TATDN1: variants seen among roughly 807,000 people sequenced by gnomAD.
TATDN1 encodes the protein TatD DNase domain containing 1.
TATDN1 carries 40 observed loss-of-function variants against 46.4 expected under a neutral mutation model. That is an observed-to-expected ratio of 0.86 (90% CI 0.67 to 1.12). TATDN1 has a LOEUF of 1.12. TATDN1 is among the 50% of genes most tolerant of loss of function. The pLI, the probability that TATDN1 is intolerant of heterozygous loss-of-function variation, is 0.00. For synonymous variants in TATDN1, 95 were observed against 105.6 expected (o/e 0.90, Z 0.62); for missense variants, 326 against 348.4 (o/e 0.94, Z 0.51).
At chr8:124,515,360 G>A (rs1176664566) in intron 6 of TATDN1, among the ~76,000 whole-genome samples, 1 of 152,092 alleles carries the variant, frequency 6.6e-6, no homozygotes, top group Non-Finnish European at 1.5e-5. Flanking sequence ...CAGCCTGGGC[G>A]ACAGAGAGAC....
intron 3 of TATDN1, among the ~76,000 whole-genome samples, 196 bp from the exon 4 acceptor site, chr8:124,519,077 A>T (rs1209561822): frequency 6.6e-6 from 1 of 152,094 alleles, no homozygotes; most frequent in Non-Finnish European, 1.5e-5. Context: ...GGATGTATGT[A>T]TGTGTGTGTG....
intron 4 of TATDN1, among the ~76,000 whole-genome samples, chr8:124,518,148 C>A (rs1483744383): frequency 7.8e-6 from 1 of 127,904 alleles, no homozygotes; most frequent in African/African-American, 2.9e-5. Flanking sequence ...GGAGGTGGCG[C>A]GCGCAGTGAG....
chr8:124,508,956 G>A (rs1332403813), intron 6 of TATDN1, among the ~76,000 whole-genome samples: 2 of 152,106 alleles, frequency 1.3e-5, no homozygotes, highest in African/African-American at 2.4e-5. Context: ...CTTGCCACTG[G>A]GAGCACCATC....
At chr8:124,497,426 C>T (rs1817569369) in intron 9 of TATDN1, among the ~76,000 whole-genome samples, 1 of 152,024 alleles carries the variant, frequency 6.6e-6, no homozygotes, top group African/African-American at 2.4e-5. Flanking sequence ...GCTGGGACTA[C>T]AGGTGCCTGC....
intron 1 of TATDN1, among the ~76,000 whole-genome samples, chr8:124,535,721 C>T (rs572794738): frequency 6.6e-6 from 1 of 152,254 alleles, no homozygotes; most frequent in Admixed American, 6.5e-5. Flanking sequence ...TAAAGGAATA[C>T]CTGAGACTGG....
intron 9 of TATDN1, among the ~76,000 whole-genome samples, chr8:124,500,689 A>T (rs1317918419): frequency 2.0e-5 from 3 of 152,058 alleles, no homozygotes; most frequent in African/African-American, 7.2e-5. Flanking sequence ...CTCAAAAAAA[A>T]AAAACAACAA....
At chr8:124,514,944 T>C (rs945761700) in intron 6 of TATDN1, among the ~76,000 whole-genome samples, 5 of 152,186 alleles carry the variant, frequency 3.3e-5, no homozygotes, top group African/African-American at 4.8e-5. Flanking sequence ...TATAATACTT[T>C]TGTGGGTTTT....
At chr8:124,492,028 G>A (rs1302780429) in intron 11 of TATDN1, among the ~76,000 whole-genome samples, 2 of 148,880 alleles carry the variant, frequency 1.3e-5, no homozygotes, top group African/African-American at 2.5e-5. Flanking sequence ...AGGCTAGAGT[G>A]CAATGGTGTG....
chr8:124,498,685 C>T (rs1201963642), intron 9 of TATDN1, among the ~76,000 whole-genome samples: 1 of 152,130 alleles, frequency 6.6e-6, no homozygotes, highest in African/African-American at 2.4e-5. Context: ...GAGTCTCTCA[C>T]TATCACCTGG....
chr8:124,533,661 T>C (rs756723675), intron 1 of TATDN1, among the ~76,000 whole-genome samples: 2 of 152,068 alleles, frequency 1.3e-5, no homozygotes, highest in African/African-American at 2.4e-5. Context: ...AAGTCTGGTA[T>C]TGGTTAGTAA....
intron 4 of TATDN1, among the ~76,000 whole-genome samples, chr8:124,516,362 G>A (rs1436577882): frequency 6.6e-6 from 1 of 151,850 alleles, no homozygotes; most frequent in African/African-American, 2.4e-5. Context: ...GAGTGCAGTG[G>A]TGCTATCACA....
At chr8:124,533,965 T>A (rs1024152058) in intron 1 of TATDN1, among the ~76,000 whole-genome samples, 3 of 151,158 alleles carry the variant, frequency 2.0e-5, no homozygotes, top group Admixed American at 1.3e-4. Context: ...GCTAACACAG[T>A]GAAACCCCGT....
intron 9 of TATDN1, among the ~76,000 whole-genome samples, chr8:124,499,189 G>A (rs1817735838): frequency 6.6e-6 from 1 of 151,792 alleles, no homozygotes; most frequent in Non-Finnish European, 1.5e-5. Flanking sequence ...GGAGGGGTGG[G>A]TGAGATGTCA....
chr8:124,515,125 A>G (rs1041420244), intron 6 of TATDN1, among the ~76,000 whole-genome samples: 2 of 152,268 alleles, frequency 1.3e-5, no homozygotes, highest in African/African-American at 4.8e-5. Flanking sequence ...CTCTTAAATT[A>G]TATCTCCCAA....
chr8:124,534,414 G>A (rs187731803), intron 1 of TATDN1, among the ~76,000 whole-genome samples: 99 of 152,250 alleles, frequency 6.5e-4, no homozygotes, highest in Admixed American at 1.2e-3. Flanking sequence ...ATGACAAGGT[G>A]TGAGATAGGA....
In TATDN1 at chr8:124,499,429, C is replaced by T. The variant is rs73340057; in HGVS notation, c.594-3887G>A. Among the ~76,000 whole-genome samples the T allele has an allele frequency of 7.6e-3, 1,161 of 152,132 alleles. 16 individuals carry two copies. The highest frequency in any genetic ancestry group is 0.027 in the African/African-American group (1,114 of 41,498). The stretch of plus-strand genomic sequence containing the variant: ...TCTATTCTATGACTGTAAAATTTGC[C>T]CAAATATATATACTAATAAACATTT... On this transcript the variant is annotated intron_variant, in intron 9 of 11. Transcript: ENST00000276692.
At chr8:124,510,432 GA>G (rs1423011278) in intron 6 of TATDN1, among the ~76,000 whole-genome samples, 1 of 152,136 alleles carries the variant, frequency 6.6e-6, no homozygotes, top group African/African-American at 2.4e-5. Flanking sequence ...CAATTCCATG[GA>G]CCAAACCACA....
intron 6 of TATDN1, 90 bp from the exon 7 acceptor site, chr8:124,508,778 G>T (rs563406156): frequency 1.4e-5 from 11 of 801,508 alleles, no homozygotes; most frequent in Non-Finnish European, 2.1e-5. Flanking sequence ...TAAATTAAAG[G>T]TATTTAATTC....
chr8:124,509,721 A>G (rs916038716), intron 6 of TATDN1, among the ~76,000 whole-genome samples: 1 of 152,180 alleles, frequency 6.6e-6, no homozygotes, highest in Non-Finnish European at 1.5e-5. Flanking sequence ...TTTTAAAATT[A>G]GAAATAGAAA....
Sources: allele counts gnomAD v4.1 joint callset (sites outside exome capture counted in the v4.1 genomes callset), GRCh38; gene constraint gnomAD v4.1.1; transcripts MANE v1.5; gene names NCBI Gene and HGNC (gene_info 2026-07-23, HGNC 2026-07-21).